The following RALYL variants were observed in gnomAD, a reference collection of about 807,000 sequenced individuals.
RALYL encodes RNA-binding Raly-like protein.
A neutral mutation model predicts 35.1 loss-of-function variants in RALYL; 29 were observed. That is an observed-to-expected ratio of 0.83 (90% CI 0.61 to 1.13). The LOEUF (loss-of-function observed/expected upper bound fraction) is 1.13, where lower values mean the gene tolerates loss of function less well. Among genes scored for constraint, RALYL ranks in the 50% most tolerant of loss-of-function variants. The probability of loss-of-function intolerance (pLI) is 0.00; values close to 1 mark genes in which losing one functional copy is unlikely to be tolerated. For synonymous variants in RALYL, 120 were observed against 127.6 expected, an observed-to-expected ratio of 0.94 and a Z score of 0.40; for missense variants, 359 against 360.4, an observed-to-expected ratio of 1.00 and a Z score of 0.03.
At position 84,354,457 on chromosome 8, in the gene RALYL, C is replaced by A. The variant is rs1008011451; in HGVS notation, c.-24+170033C>A. 2.7e-5 allele frequency among the ~76,000 whole-genome samples: 4 copies of A among 150,336 alleles called. 1 individual carries two copies. Among genetic ancestry groups the A allele is most frequent in the African/African-American group, 7.4e-5 (3 of 40,412 alleles). On this transcript the variant is annotated intron_variant, in intron 1 of 8. Transcript: ENST00000521268. ...GTAAAACTTCTGAAGAAATTCTCTT[C>A]CAGCTTTATCTGGAGTCAGATCCTT...
chr8:84,258,335 G>T (rs995537515), intron 1 of RALYL, among the ~76,000 whole-genome samples: 1 of 152,046 alleles, frequency 6.6e-6, no homozygotes, highest in African/African-American at 2.4e-5. Flanking sequence ...ACTAGAATCA[G>T]TGTCAACAAA....
At chr8:84,649,725 G>A (rs1828297311) in intron 2 of RALYL, among the ~76,000 whole-genome samples, 1 of 152,026 alleles carries the variant, frequency 6.6e-6, no homozygotes, top group East Asian at 1.9e-4. Flanking sequence ...GATGCCTCCA[G>A]CTTTGTTCTT....
chr8:84,427,469 A>G (rs2046619806), intron 1 of RALYL, among the ~76,000 whole-genome samples: 2 of 152,258 alleles, frequency 1.3e-5, no homozygotes, highest in Non-Finnish European at 2.9e-5. Context: ...GTGGTTTTCA[A>G]TTGCTATTGC....
intron 1 of RALYL, among the ~76,000 whole-genome samples, chr8:84,498,994 G>T (rs1027723440): frequency 6.6e-6 from 1 of 151,952 alleles, no homozygotes; most frequent in East Asian, 1.9e-4. Context: ...TGGATAAATA[G>T]GAGTTTTCTT....
At chr8:84,657,480 C>T (rs1012901675) in intron 2 of RALYL, among the ~76,000 whole-genome samples, 4 of 152,158 alleles carry the variant, frequency 2.6e-5, no homozygotes, top group African/African-American at 9.7e-5. Flanking sequence ...AGAAAGCACT[C>T]ATGTGCATAC....
intron 1 of RALYL, among the ~76,000 whole-genome samples, chr8:84,270,998 G>A (rs1001701976): frequency 6.6e-6 from 1 of 152,028 alleles, no homozygotes; most frequent in East Asian, 1.9e-4. Flanking sequence ...GAGAATATTT[G>A]TAATCTGCAA....
chr8:84,846,060 A>C (rs188794271), intron 4 of RALYL, among the ~76,000 whole-genome samples: 302 of 152,154 alleles, frequency 2.0e-3, no homozygotes, highest in Admixed American at 3.7e-3. Context: ...AGTTTGAAGT[A>C]GGATAATGTG....
chr8:84,732,653 A>G (rs562460943), intron 2 of RALYL, among the ~76,000 whole-genome samples: 37 of 117,392 alleles, frequency 3.2e-4, no homozygotes, highest in Non-Finnish European at 5.1e-4. Context: ...TTTTATTATC[A>G]TAATTATTAA....
At chr8:84,452,642 C>T (rs181407231) in intron 1 of RALYL, among the ~76,000 whole-genome samples, 169 of 152,046 alleles carry the variant, frequency 1.1e-3, no homozygotes, top group African/African-American at 3.9e-3. Context: ...TTACAAGTCT[C>T]AGAGAGCTGA....
At chr8:84,387,517 G>A (rs1414477599) in intron 1 of RALYL, among the ~76,000 whole-genome samples, 1 of 151,766 alleles carries the variant, frequency 6.6e-6, no homozygotes, top group Non-Finnish European at 1.5e-5. Context: ...CCTGACTCCT[G>A]CCTCCAGCTC....
intron 2 of RALYL, among the ~76,000 whole-genome samples, chr8:84,578,476 A>T (rs1206493832): frequency 6.6e-6 from 1 of 152,184 alleles, no homozygotes; most frequent in Non-Finnish European, 1.5e-5. Context: ...CAGCTTTTTC[A>T]GTTGTCCCAC....
At chr8:84,710,421 C>T (rs1322321278) in intron 2 of RALYL, among the ~76,000 whole-genome samples, 1 of 152,056 alleles carries the variant, frequency 6.6e-6, no homozygotes, top group Non-Finnish European at 1.5e-5. Context: ...CCTTCCACAG[C>T]CTCCTGAGTA....
chr8:84,605,134 CT>C (rs560271785), intron 2 of RALYL, among the ~76,000 whole-genome samples: 273 of 152,172 alleles, frequency 1.8e-3, no homozygotes, highest in African/African-American at 6.2e-3. Context: ...CTCACTTGCT[CT>C]TTTTTTCTCC....
At chr8:84,876,456 A>G (rs184298292) in intron 7 of RALYL, among the ~76,000 whole-genome samples, 66 of 152,324 alleles carry the variant, frequency 4.3e-4, no homozygotes, top group South Asian at 2.9e-3. Context: ...TCATTGTTAG[A>G]TGATTCTTTT....
intron 2 of RALYL, among the ~76,000 whole-genome samples, chr8:84,620,132 T>C (rs1175443405): frequency 2.6e-5 from 4 of 152,148 alleles, no homozygotes; most frequent in East Asian, 1.9e-4. Context: ...TGAATCTGAA[T>C]GTTGGCCTGC....
At chr8:84,813,589 T>C (rs1826413580) in intron 4 of RALYL, among the ~76,000 whole-genome samples, 1 of 152,198 alleles carries the variant, frequency 6.6e-6, no homozygotes, top group African/African-American at 2.4e-5. Flanking sequence ...TAATTCTATG[T>C]TCAATAAAAA....
chr8:84,792,791 T>A (rs1416832825), intron 3 of RALYL, among the ~76,000 whole-genome samples: 1 of 152,198 alleles, frequency 6.6e-6, no homozygotes, highest in Non-Finnish European at 1.5e-5. Context: ...AGTTTGTATA[T>A]GATGACTGAC....
chr8:84,342,276 CAA>C (rs1491469389), intron 1 of RALYL, among the ~76,000 whole-genome samples: 3,548 of 56,844 alleles, frequency 0.062, 464 homozygotes, highest in Middle Eastern at 0.07. Flanking sequence ...GAGCATCGTT[CAA>C]TATATATATA....
chr8:84,687,057 G>T (rs765099152), intron 2 of RALYL, among the ~76,000 whole-genome samples: 1 of 151,994 alleles, frequency 6.6e-6, no homozygotes, highest in African/African-American at 2.4e-5. Context: ...TAATCCAGGG[G>T]TAATCATGTT....
Sources: gnomAD v4.1 joint callset for allele counts (sites outside exome capture counted in the v4.1 genomes callset) on GRCh38, gnomAD v4.1.1 for gene constraint, MANE v1.5 for transcripts, NCBI Gene and HGNC (gene_info 2026-07-23, HGNC 2026-07-21) for gene names.